The following MLXIPL variants were observed in gnomAD, a reference collection of about 807,000 sequenced individuals.
MLXIPL encodes MLX interacting protein like, also known as carbohydrate-responsive element-binding protein.
Under a neutral mutation model 81.5 loss-of-function variants are expected in MLXIPL, and 49 were observed. That is an observed-to-expected ratio of 0.60 (90% CI 0.48 to 0.76). The LOEUF (loss-of-function observed/expected upper bound fraction) is 0.76. MLXIPL is among the 30% of genes least tolerant of loss of function. MLXIPL has a pLI of 0.00. For synonymous variants in MLXIPL, 466 were observed against 485.5 expected (o/e 0.96, Z 0.53); for missense variants, 1,053 against 1,167.0 (o/e 0.90, Z 1.42).
Position 73,596,826 on chromosome 7 carries a change from C to G in MLXIPL, c.1672-37G>C, listed in dbSNP as rs374711778. On this transcript the variant is annotated intron_variant, in intron 10 of 16. Coordinates refer to ENST00000313375, the MANE Select transcript of MLXIPL (RefSeq NM_032951.3). This position sits in a 1 kb window ranked among gnomAD's most constrained non-coding sequence, Gnocchi z 4.7. The stretch of plus-strand genomic sequence containing the variant: ...AAGGGCGGAGAGTCGGGTTGAAGGC[C>G]GTGGGCACAGCCCCACCGCCCAGTG... The G allele has an allele frequency of 1.2e-6, 2 of 1,608,486 alleles. No homozygotes were observed. Among genetic ancestry groups the G allele is most frequent in the Admixed American group, 3.4e-5 (2 of 59,180 alleles).
At chr7:73,624,126 C>A (rs1349476202) in intron 1 of MLXIPL, 74 bp downstream of exon 1, 2 of 1,469,778 alleles carry the variant, frequency 1.4e-6, no homozygotes, top group African/African-American at 2.9e-5. Flanking sequence ...GGCCCCAGCG[C>A]GCAGTCCTGC....
chr7:73,624,094 C>A, intron 1 of MLXIPL, 106 bp downstream of exon 1: 1 of 1,397,570 alleles, frequency 7.2e-7, no homozygotes, highest in Non-Finnish European at 9.4e-7. Context: ...GCCGCAGGAC[C>A]GGGCTCGGGT....
At chr7:73,627,868 C>T (rs1796777291), upstream of MLXIPL, among the ~76,000 whole-genome samples, 1 of 152,166 alleles carries the variant, frequency 6.6e-6, no homozygotes, top group African/African-American at 2.4e-5. Context: ...GGAATTGATC[C>T]TTGCTCTGCT....
chr7:73,612,704 C>T (rs533429020), intron 2 of MLXIPL, among the ~76,000 whole-genome samples: 48 of 151,990 alleles, frequency 3.2e-4, no homozygotes, highest in African/African-American at 1.1e-3. Context: ...TGAAGCCCCC[C>T]TCCCCAGCCC....
chr7:73,598,567 C>T (rs116265294), intron 8 of MLXIPL, among the ~76,000 whole-genome samples: 158 of 152,322 alleles, frequency 1.0e-3, no homozygotes, highest in African/African-American at 1.8e-3. Context: ...TTCACCAGCA[C>T]GCCCATTCAT....
At chr7:73,632,185 AGAGGTG>A in the MLXIPL span, among the ~76,000 whole-genome samples, 58 of 151,136 alleles carry the variant, frequency 3.8e-4, 1 homozygote, top group South Asian at 0.012. Flanking sequence ...TTTTTTTTGT[AGAGGTG>A]GAGTCTCATT....
intron 7 of MLXIPL, among the ~76,000 whole-genome samples, chr7:73,600,710 G>C (rs1488062671): frequency 1.8e-5 from 2 of 113,032 alleles, no homozygotes; most frequent in Admixed American, 8.9e-5. Flanking sequence ...GGCCCTAAGG[G>C]TGGGCTCTGA....
intron 2 of MLXIPL, among the ~76,000 whole-genome samples, chr7:73,608,109 G>A (rs1348750837): frequency 1.3e-5 from 2 of 151,408 alleles, no homozygotes; most frequent in East Asian, 4.0e-4. Context: ...CACCTGCCTC[G>A]GGCTTCCAAA....
In MLXIPL at chr7:73,624,487, G is replaced by A. The variant is rs1255966424; in HGVS notation, c.6C>T (p.Ala2=). Residue 2 remains alanine (A), a synonymous_variant, in exon 1 of 17, where the codon GCC becomes GCT. Coordinates refer to ENST00000313375, the MANE Select transcript of MLXIPL (RefSeq NM_032951.3). M[A]GALAGLAAGL... ...CCGCGGCCAGACCTGCCAGCGCGCC[G>A]GCCATGGCTGTCGCCGCCGCAACCG... 8 of 1,526,316 alleles carry A rather than the reference G, an allele frequency of 5.2e-6. No homozygotes were observed. Among genetic ancestry groups the A allele is most frequent in the Non-Finnish European group, 6.1e-6 (7 of 1,143,392 alleles). The allele number at this position is 1,526,316 out of a possible 1,614,324, so 94.5% of individuals were successfully genotyped here.
rs1554593970 is a variant in MLXIPL at position 73,596,516 on chromosome 7, C to A, written c.1823-37G>T. On this transcript the variant is annotated intron_variant, in intron 11 of 16. Coordinates refer to ENST00000313375, the MANE Select transcript of MLXIPL (RefSeq NM_032951.3). This position sits in a 1 kb window ranked among gnomAD's most constrained non-coding sequence, Gnocchi z 4.7. ...ACAGACAGACCCACAGAAAGACCGA[C>A]CCAGGGGAAAGGGTCCCCATTGCCC... 6.2e-7 allele frequency: 1 copy of A among 1,611,314 alleles called. No homozygotes were observed. The highest frequency in any genetic ancestry group is 1.3e-5 in the African/African-American group (1 of 74,856).
At chr7:73,608,742 G>A (rs1436520807) in intron 2 of MLXIPL, among the ~76,000 whole-genome samples, 1 of 152,044 alleles carries the variant, frequency 6.6e-6, no homozygotes, top group African/African-American at 2.4e-5. Flanking sequence ...CCTCTTCCAG[G>A]CCTCCACCTC....
intron 7 of MLXIPL, among the ~76,000 whole-genome samples, chr7:73,605,388 T>C (rs1795194513): frequency 6.6e-6 from 1 of 151,926 alleles, no homozygotes; most frequent in South Asian, 2.1e-4. Flanking sequence ...GTGAAACCCA[T>C]CTCTACCAAA....
intron 7 of MLXIPL, 41 bp downstream of exon 7, chr7:73,605,647 A>G: frequency 6.2e-7 from 1 of 1,601,368 alleles, no homozygotes; most frequent in Non-Finnish European, 8.5e-7. Flanking sequence ...CCTCACACAG[A>G]CCCTGCCCGT....
chr7:73,612,749 A>G (rs1233737377), intron 2 of MLXIPL, among the ~76,000 whole-genome samples: 1 of 151,906 alleles, frequency 6.6e-6, no homozygotes, highest in Non-Finnish European at 1.5e-5. Flanking sequence ...TCTCATGGAA[A>G]GGCTGTAACC....
chr7:73,635,416 T>C, the MLXIPL span, among the ~76,000 whole-genome samples: 1 of 152,250 alleles, frequency 6.6e-6, no homozygotes, highest in Admixed American at 6.6e-5. Context: ...AATTCATCTA[T>C]ACTCTAATAG....
At chr7:73,628,088 CTGAGACTACGGGCA>C (rs1457363497), upstream of MLXIPL, among the ~76,000 whole-genome samples, 1 of 151,998 alleles carries the variant, frequency 6.6e-6, no homozygotes, top group Non-Finnish European at 1.5e-5. Context: ...TCCCAAAGTG[CTGAGACTACGGGCA>C]TGAGCCACTG....
chr7:73,599,037 G>C (rs897125393), intron 8 of MLXIPL, among the ~76,000 whole-genome samples: 2 of 150,326 alleles, frequency 1.3e-5, no homozygotes, highest in Non-Finnish European at 3.0e-5. Context: ...CACTGCACTC[G>C]AGCCTAGGCG....
At chr7:73,603,016 T>C (rs1204979549) in intron 7 of MLXIPL, among the ~76,000 whole-genome samples, 1 of 152,182 alleles carries the variant, frequency 6.6e-6, no homozygotes, top group Non-Finnish European at 1.5e-5. Flanking sequence ...AGTCCCTCCC[T>C]AGCCTCTGTC....
At chr7:73,613,547 G>C (rs544270540) in intron 2 of MLXIPL, among the ~76,000 whole-genome samples, 26 of 152,282 alleles carry the variant, frequency 1.7e-4, no homozygotes, top group Middle Eastern at 3.4e-3. Context: ...GCAGTGAGCC[G>C]AGATCGTGCC....
Sources: gnomAD v4.1 joint callset for allele counts (sites outside exome capture counted in the v4.1 genomes callset) on GRCh38, gnomAD v4.1.1 for gene constraint, Gnocchi (gnomAD v3.1) non-coding constraint, MANE v1.5 for transcripts, NCBI Gene and HGNC (gene_info 2026-07-23, HGNC 2026-07-21) for gene names.